Variants in TNIK observed in about 807,000 individuals in gnomAD.
The protein encoded by TNIK is TRAF2 and NCK-interacting protein kinase.
TNIK carries 49 observed loss-of-function variants against 191.3 expected under a neutral mutation model. That is an observed-to-expected ratio of 0.26 (90% CI 0.20 to 0.32). The LOEUF is 0.32. Among genes scored for constraint, TNIK ranks in the 10% least tolerant of loss-of-function variants. TNIK has a pLI of 1.00. For missense variants in TNIK, 1,155 were observed against 1,702.3 expected, an observed-to-expected ratio of 0.68 and a Z score of 5.66; for synonymous variants, 594 against 600.9, an observed-to-expected ratio of 0.99 and a Z score of 0.17.
At chr3:171,257,638 G>T (rs891071279) in intron 2 of TNIK, among the ~76,000 whole-genome samples, 9 of 152,168 alleles carry the variant, frequency 5.9e-5, no homozygotes, top group Non-Finnish European at 1.3e-4. Context: ...GAGAACCCAT[G>T]CCACTTTCAA....
At position 171,459,937 on chromosome 3, in the gene TNIK, C is replaced by T. The variant is rs1021233782; in HGVS notation, c.57+70G>A. On this transcript the variant is annotated intron_variant, in intron 1 of 32. Transcript: ENST00000436636. ...GTCCCCCTGCCCCAGCCCCAGCCCC[C>T]AGTCCACGCACCGAGCCCATTCACC... 7 of 1,489,994 alleles carry T rather than the reference C, an allele frequency of 4.7e-6. No homozygotes were observed. In the African/African-American group the frequency reaches 8.4e-5, roughly 18 times the overall value. 92.3% of individuals were successfully genotyped at this position (1,489,994 alleles called of 1,614,324 possible). A position where few individuals can be genotyped will look rare whatever the true frequency, so the allele number is the denominator to read the frequency against.
rs1331082944 is a variant in TNIK at position 171,062,668 on chromosome 3, C to T, written c.*1213G>A. ...GTCCAAAGCCTTGCTTTCAAGTTCT[C>T]TAAAATTGGAGCCAATGATGCCTCT... On this transcript the variant is annotated 3_prime_UTR_variant, in exon 33 of 33. Transcript: ENST00000436636. 1 of 152,170 alleles carries T rather than the reference C, an allele frequency of 6.6e-6. No individual in the cohort carries two copies. Among genetic ancestry groups the T allele is most frequent in the East Asian group, 1.9e-4 (1 of 5,190 alleles). 9.4% of individuals were successfully genotyped at this position (152,170 alleles called of 1,614,324 possible). A position where few individuals can be genotyped will look rare whatever the true frequency, so the allele number is the denominator to read the frequency against.
intron 4 of TNIK, among the ~76,000 whole-genome samples, chr3:171,210,239 G>T (rs1207111984): frequency 6.6e-6 from 1 of 152,174 alleles, no homozygotes; most frequent in Non-Finnish European, 1.5e-5. Flanking sequence ...ACACATAGGA[G>T]GCCATTGTAA....
chr3:171,172,597 T>C (rs1395672427), intron 9 of TNIK, among the ~76,000 whole-genome samples: 2 of 152,220 alleles, frequency 1.3e-5, no homozygotes, highest in African/African-American at 4.8e-5. Flanking sequence ...GAGCCATGTC[T>C]GCTGTCAAGT....
At chr3:171,392,942 G>A (rs555186390) in intron 1 of TNIK, among the ~76,000 whole-genome samples, 8 of 152,064 alleles carry the variant, frequency 5.3e-5, no homozygotes, top group Non-Finnish European at 8.8e-5. Flanking sequence ...CTGAAAGAAA[G>A]CACTTCCACA....
chr3:171,353,967 C>T (rs930635433), intron 2 of TNIK, among the ~76,000 whole-genome samples: 2 of 151,990 alleles, frequency 1.3e-5, no homozygotes, highest in Admixed American at 6.6e-5. Flanking sequence ...CAAATGCCCC[C>T]AAAAGGTGTA....
At chr3:171,236,737 G>A (rs1744312479) in intron 2 of TNIK, among the ~76,000 whole-genome samples, 1 of 152,144 alleles carries the variant, frequency 6.6e-6, no homozygotes, top group Non-Finnish European at 1.5e-5. Context: ...TTTCCCCTCA[G>A]GACCTCTGGC....
rs774249522 is a variant in TNIK, at chr3:171,101,564, CCTT to C, written c.2473_2475del (p.Lys825del). ...TCACTGGAGGAGGAGTAATCAGTCA[CCTT>C]CTTCATTGGGCGGTTTGTTTCTTCA... On this transcript the variant is annotated inframe_deletion, in exon 22 of 33. Coordinates refer to ENST00000436636, the MANE Select transcript of TNIK (RefSeq NM_015028.4). 6.2e-7 allele frequency: 1 copy of C among 1,613,506 alleles called. No homozygotes were observed. Among genetic ancestry groups the C allele is most frequent in the Non-Finnish European group, 8.5e-7 (1 of 1,179,570 alleles).
intron 1 of TNIK, among the ~76,000 whole-genome samples, chr3:171,446,978 G>A (rs1367781575): frequency 6.6e-6 from 1 of 152,132 alleles, no homozygotes; most frequent in East Asian, 1.9e-4. Flanking sequence ...ATCACCTGAG[G>A]TCAGGGGTTT....
intron 2 of TNIK, among the ~76,000 whole-genome samples, chr3:171,339,251 G>A (rs914827300): frequency 2.0e-5 from 3 of 152,194 alleles, no homozygotes; most frequent in Non-Finnish European, 2.9e-5. Flanking sequence ...ATGGCCTTAG[G>A]CCAGAAAGAT....
chr3:171,265,039 G>A (rs1748199459), intron 2 of TNIK, among the ~76,000 whole-genome samples: 1 of 152,144 alleles, frequency 6.6e-6, no homozygotes, highest in African/African-American at 2.4e-5. Context: ...CACGTGGCAT[G>A]GCATGGCACA....
chr3:171,460,267 C>A lies in TNIK; in HGVS notation c.-204G>T, dbSNP rs1729322163. The A allele has an allele frequency of 6.2e-6, 4 of 644,840 alleles. No individual in the cohort carries two copies. Among genetic ancestry groups the A allele is most frequent in the Non-Finnish European group, 1.1e-5 (4 of 375,348 alleles). The allele number at this position is 644,840 out of a possible 1,614,324, so 39.9% of individuals were successfully genotyped here. ...CCGCCGGGTCCGGGAGCCCAGCCTG[C>A]GCGGATCTCCAAGCCCCGAGCAGCG... On this transcript the variant is annotated 5_prime_UTR_variant, in exon 1 of 33. Coordinates refer to ENST00000436636, the MANE Select transcript of TNIK (RefSeq NM_015028.4). The surrounding 1 kb of genome is among the most constrained non-coding windows in gnomAD (Gnocchi z 6.8).
intron 2 of TNIK, among the ~76,000 whole-genome samples, chr3:171,323,803 T>C (rs1755442264): frequency 6.6e-6 from 1 of 152,206 alleles, no homozygotes; most frequent in South Asian, 2.1e-4. Context: ...CAAACTCTGC[T>C]CTTCATAAGC....
chr3:171,282,403 G>A (rs987923158), intron 2 of TNIK, among the ~76,000 whole-genome samples: 10 of 144,284 alleles, frequency 6.9e-5, no homozygotes, highest in East Asian at 4.0e-4. Flanking sequence ...GTACAATGGC[G>A]CGATCTCAGC....
chr3:171,329,256 T>A (rs886315121), intron 2 of TNIK, among the ~76,000 whole-genome samples: 53 of 152,332 alleles, frequency 3.5e-4, no homozygotes, highest in African/African-American at 1.1e-3. Flanking sequence ...ATTATCATTT[T>A]AAAAAATTAT....
chr3:171,387,979 G>GA (rs1560008572), intron 1 of TNIK, among the ~76,000 whole-genome samples: 7 of 151,476 alleles, frequency 4.6e-5, no homozygotes, highest in Admixed American at 4.6e-4. Flanking sequence ...AGCAAGGAGT[G>GA]TGGGGGGAGG....
At chr3:171,269,139 G>A (rs1454765739) in intron 2 of TNIK, among the ~76,000 whole-genome samples, 1 of 152,160 alleles carries the variant, frequency 6.6e-6, no homozygotes, top group Non-Finnish European at 1.5e-5. Flanking sequence ...ATGGCAGCAT[G>A]TTGGCTACTT....
At chr3:171,437,929 AGC>A (rs1726224983) in intron 1 of TNIK, among the ~76,000 whole-genome samples, 1 of 152,256 alleles carries the variant, frequency 6.6e-6, no homozygotes, top group Non-Finnish European at 1.5e-5. Context: ...TCAGCTAGCT[AGC>A]TATCCACGCC....
intron 2 of TNIK, among the ~76,000 whole-genome samples, chr3:171,369,307 T>C (rs572876733): frequency 6.6e-6 from 1 of 152,294 alleles, no homozygotes; most frequent in African/African-American, 2.4e-5. Flanking sequence ...CTTTTCTCTT[T>C]CAAAAACCAG....
Sources: gnomAD v4.1 joint callset for allele counts (sites outside exome capture counted in the v4.1 genomes callset) on GRCh38, gnomAD v4.1.1 for gene constraint, Gnocchi (gnomAD v3.1) non-coding constraint, MANE v1.5 for transcripts, NCBI Gene and HGNC (gene_info 2026-07-23, HGNC 2026-07-21) for gene names.